The following KDM5A variants were observed in gnomAD, a reference collection of about 807,000 sequenced individuals.
KDM5A encodes lysine demethylase 5A.
KDM5A carries 42 observed loss-of-function variants against 193.5 expected under a neutral mutation model. That is an observed-to-expected ratio of 0.22 (90% CI 0.17 to 0.28). KDM5A has a LOEUF of 0.28. KDM5A is among the 10% of genes least tolerant of loss of function. KDM5A has a pLI of 1.00. For missense variants in KDM5A, 1,692 were observed against 2,055.1 expected (o/e 0.82, Z 3.42); for synonymous variants, 796 against 718.1 (o/e 1.11, Z -1.73).
intron 3 of KDM5A, among the ~76,000 whole-genome samples, chr12:378,920 C>T (rs909909877): frequency 1.4e-5 from 2 of 147,268 alleles, no homozygotes; most frequent in Non-Finnish European, 3.0e-5. Context: ...AATCGTGCTG[C>T]TGCACTCCAG....
chr12:356,350 G>A, intron 6 of KDM5A, 82 bp downstream of exon 6: 1 of 869,800 alleles, frequency 1.1e-6, no homozygotes, highest in Non-Finnish European at 1.9e-6. Flanking sequence ...TCCCAGCACA[G>A]ACTGCAATTC....
chr12:333,861 A>T (rs1943893430), intron 11 of KDM5A, among the ~76,000 whole-genome samples: 1 of 152,208 alleles, frequency 6.6e-6, no homozygotes, highest in Non-Finnish European at 1.5e-5. Flanking sequence ...CAAACTTATC[A>T]CCACAATTAA....
chr12:333,289 T>C (rs1416590715), intron 12 of KDM5A, 198 bp downstream of exon 12: 4 of 613,000 alleles, frequency 6.5e-6, no homozygotes, highest in Non-Finnish European at 1.2e-5. Context: ...GGTGGTGGTG[T>C]GCTCCTATAG....
chr12:284,982 C>T lies in KDM5A; in HGVS notation c.*474G>A, dbSNP rs1324563156. ...AGTTGTATCTTTAGGGCATTAAGTA[C>T]CAGGTAACAGTGGAAGGAAAGTGGT... On this transcript the variant is annotated 3_prime_UTR_variant, in exon 28 of 28. Coordinates refer to ENST00000399788, the MANE Select transcript of KDM5A (RefSeq NM_001042603.3). The T allele has an allele frequency of 1.6e-5, 4 of 257,164 alleles. No homozygotes were observed. Among genetic ancestry groups the T allele is most frequent in the African/African-American group, 8.7e-5 (4 of 45,912 alleles). 15.9% of individuals were successfully genotyped at this position (257,164 alleles called of 1,614,324 possible).
chr12:345,786 T>A (rs1275064542), intron 10 of KDM5A, among the ~76,000 whole-genome samples: 1 of 152,200 alleles, frequency 6.6e-6, no homozygotes, highest in Non-Finnish European at 1.5e-5. Flanking sequence ...GGGAAATTTA[T>A]AGCACTAAAT....
chr12:387,260 A>G, intron 1 of KDM5A: 1 of 370,232 alleles, frequency 2.7e-6, no homozygotes, highest in South Asian at 2.0e-5. Flanking sequence ...TGGAAACTGA[A>G]GAAATCTGCC....
At chr12:353,639 T>C (rs945530659) in intron 8 of KDM5A, among the ~76,000 whole-genome samples, 24 of 152,180 alleles carry the variant, frequency 1.6e-4, no homozygotes, top group African/African-American at 5.8e-4. Context: ...GTCCTGGAAA[T>C]TGGCCAGGCA....
chr12:389,020 C>T lies in KDM5A; in HGVS notation c.72G>A (p.Pro24=), dbSNP rs189132628. ...GCGGATCTGTGAACTCCTCCCAACT[C>T]GGCTCAAAGACGGGGCACTCTGGCG... ...VPPPECPVFE[P]SWEEFTDPLS... Residue 24 remains proline, a synonymous_variant, in exon 1 of 28, where the codon CCG becomes CCA. Transcript: ENST00000399788. 2 of 1,613,394 alleles carry T rather than the reference C, an allele frequency of 1.2e-6. No individual in the cohort carries two copies. The highest frequency in any genetic ancestry group is 1.1e-5 in the South Asian group (1 of 91,050).
Position 366,082 on chromosome 12 carries a change from A to G in KDM5A, c.389T>C (p.Phe130Ser). ...TTTCTTCTCTTTGGTGACCATTTCA[A>G]AACCTCCTTTGCTGGCAACAATCTG... ...LSKIVASKGG[F>S]EMVTKEKKWS... Residue 130 changes from phenylalanine to serine, a missense_variant, in exon 4 of 28, where the codon TTT (phenylalanine) becomes TCT (serine). By Grantham distance (155) the Phe-to-Ser change is radical. Coordinates refer to ENST00000399788, the MANE Select transcript of KDM5A (RefSeq NM_001042603.3). 6.2e-7 allele frequency: 1 copy of G among 1,614,106 alleles called. No homozygotes were observed. The highest frequency in any genetic ancestry group is 8.5e-7 in the Non-Finnish European group (1 of 1,180,008).
chr12:334,683 C>T (rs931409554), intron 10 of KDM5A, among the ~76,000 whole-genome samples: 7 of 151,982 alleles, frequency 4.6e-5, no homozygotes, highest in African/African-American at 1.4e-4. Context: ...TCTTGTTATT[C>T]TCCAGCCAAT....
chr12:350,292 C>A (rs971545446), intron 10 of KDM5A, among the ~76,000 whole-genome samples: 7 of 151,542 alleles, frequency 4.6e-5, no homozygotes, highest in African/African-American at 1.7e-4. Flanking sequence ...AAAAATTAGC[C>A]GGGCATAATA....
chr12:374,350 A>T (rs918331640), intron 3 of KDM5A, among the ~76,000 whole-genome samples: 1 of 151,108 alleles, frequency 6.6e-6, no homozygotes, highest in Non-Finnish European at 1.5e-5. Context: ...CTTGTCTCTG[A>T]TCTTTGTTGG....
intron 10 of KDM5A, among the ~76,000 whole-genome samples, chr12:345,781 A>G (rs1003218090): frequency 6.6e-6 from 1 of 152,240 alleles, no homozygotes; most frequent in African/African-American, 2.4e-5. Flanking sequence ...GTAGAGGGAA[A>G]TTTATAGCAC....
intron 10 of KDM5A, among the ~76,000 whole-genome samples, chr12:335,126 T>G (rs1314579376): frequency 6.6e-6 from 1 of 151,808 alleles, no homozygotes; most frequent in African/African-American, 2.4e-5. Flanking sequence ...CCAAAAAAAC[T>G]TCATAGGTGA....
chr12:283,493 G>A lies in KDM5A; in HGVS notation c.*1963C>T, dbSNP rs767900277. The A allele has an allele frequency of 2.1e-5, 5 of 232,812 alleles. No homozygotes were observed. The highest frequency in any genetic ancestry group is 4.3e-5 in the Non-Finnish European group (5 of 117,632). The allele number at this position is 232,812 out of a possible 1,614,324, so 14.4% of individuals were successfully genotyped here. On this transcript the variant is annotated 3_prime_UTR_variant, in exon 28 of 28. Transcript: ENST00000399788. ...AGTATTAAGAATGAATAAAAAGTAG[G>A]TAGTATGAACTTCAGAGAAAACATT...
chr12:365,136 T>C (rs925035079), intron 4 of KDM5A, among the ~76,000 whole-genome samples: 2 of 152,036 alleles, frequency 1.3e-5, no homozygotes, highest in Admixed American at 1.3e-4. Flanking sequence ...TACTGCAACC[T>C]CCATCTCCCA....
Position 310,911 on chromosome 12 carries a change from T to C in KDM5A, c.3190A>G (p.Lys1064Glu). Residue 1064 changes from lysine (K) to glutamate (E), a missense_variant, in exon 21 of 28, where the codon AAG becomes GAG. By Grantham distance (56) the Lys-to-Glu change is moderately conservative. This residue lies in a region of KDM5A where 965 missense variants were observed against 1,061.0 expected (regional missense o/e 0.91). Coordinates refer to ENST00000399788, the MANE Select transcript of KDM5A (RefSeq NM_001042603.3). Reference sequence around the variant, plus strand: ...TGTAACAATGTATGGCTAGAATTCTTCTTAAGAAACGTCCGCCCAGTCCGT... The same window carrying C: ...TGTAACAATGTATGGCTAGAATTCTCCTTAAGAAACGTCCGCCCAGTCCGT... ...RERTGRTFLK[K>E]NSSHTLLQVL... 1 of 1,614,228 alleles carries C rather than the reference T, an allele frequency of 6.2e-7. No individual in the cohort carries two copies. The highest frequency in any genetic ancestry group is 8.5e-7 in the Non-Finnish European group (1 of 1,180,036).
intron 19 of KDM5A, among the ~76,000 whole-genome samples, chr12:314,720 G>T (rs1038816732): frequency 9.9e-5 from 15 of 152,144 alleles, no homozygotes; most frequent in Non-Finnish European, 1.5e-4. Context: ...GGTAGGGTTG[G>T]TAGAGGTACA....
chr12:287,476 T>C (rs1300358471), intron 27 of KDM5A, among the ~76,000 whole-genome samples: 1 of 150,554 alleles, frequency 6.6e-6, no homozygotes, highest in Non-Finnish European at 1.5e-5. Flanking sequence ...ATGTTCCTAT[T>C]GTAGCAAACT....
Sources: allele counts gnomAD v4.1 joint callset (sites outside exome capture counted in the v4.1 genomes callset), GRCh38; gene constraint gnomAD v4.1.1; regional missense constraint gnomAD v4.1.1; transcripts MANE v1.5; gene names NCBI Gene and HGNC (gene_info 2026-07-23, HGNC 2026-07-21).